CSMD1: variants seen among roughly 807,000 people sequenced by gnomAD.
CSMD1 encodes CUB and sushi domain-containing protein 1.
CSMD1 carries 213 observed loss-of-function variants against 417.5 expected under a neutral mutation model. The ratio of observed to expected loss-of-function variants is 0.51; its 90% CI spans 0.46 to 0.57. CSMD1 has a LOEUF of 0.57. Ranked by LOEUF, CSMD1 falls within the 20% of genes least tolerant of loss-of-function variation. CSMD1 has a pLI of 0.00. For synonymous variants in CSMD1, 2,862 were observed against 1,736.8 expected (o/e 1.65, Z -16.11); for missense variants, 6,923 against 4,529.7 (o/e 1.53, Z -15.17).
intron 3 of CSMD1, among the ~76,000 whole-genome samples, chr8:4,103,464 T>C (rs950376192): frequency 2.0e-5 from 3 of 150,716 alleles, no homozygotes; most frequent in African/African-American, 4.9e-5. Flanking sequence ...TCCACATGAT[T>C]ATTTTAAAAA....
At chr8:2,969,017 T>G (rs1056579262) in intron 57 of CSMD1, among the ~76,000 whole-genome samples, 1 of 152,110 alleles carries the variant, frequency 6.6e-6, no homozygotes, top group Non-Finnish European at 1.5e-5. Context: ...ATGACAAAAA[T>G]TGCTGTTAAA....
chr8:4,885,787 G>A (rs972975090), intron 1 of CSMD1, among the ~76,000 whole-genome samples: 3 of 151,756 alleles, frequency 2.0e-5, no homozygotes, highest in African/African-American at 2.4e-5. Flanking sequence ...CCTTTCATGT[G>A]CAAAGTTTTG....
intron 5 of CSMD1, among the ~76,000 whole-genome samples, chr8:3,820,691 T>G (rs1389081672): frequency 6.6e-6 from 1 of 152,174 alleles, no homozygotes; most frequent in Non-Finnish European, 1.5e-5. Flanking sequence ...TTCTCTTGCC[T>G]TAGCCTCCTG....
chr8:4,148,386 G>C (rs187786572), intron 3 of CSMD1, among the ~76,000 whole-genome samples: 10 of 147,848 alleles, frequency 6.8e-5, no homozygotes, highest in Admixed American at 2.0e-4. Context: ...GGGGAGGGCG[G>C]AGGAATAGCA....
intron 12 of CSMD1, among the ~76,000 whole-genome samples, chr8:3,456,555 G>C (rs548385913): frequency 2.6e-5 from 4 of 152,140 alleles, no homozygotes; most frequent in Admixed American, 6.5e-5. Flanking sequence ...TTTTCACTTA[G>C]CATCATTGCA....
chr8:4,429,482 T>A (rs113752701), intron 2 of CSMD1, among the ~76,000 whole-genome samples: 3 of 150,536 alleles, frequency 2.0e-5, no homozygotes, highest in Non-Finnish European at 4.4e-5. Flanking sequence ...CTCCTGTCAA[T>A]TGGGAAACAG....
intron 7 of CSMD1, among the ~76,000 whole-genome samples, chr8:3,635,816 G>C (rs866581011): frequency 8.2e-6 from 1 of 122,608 alleles, no homozygotes; most frequent in East Asian, 2.3e-4. Flanking sequence ...AAAAAAAAAA[G>C]AAAGAAAGAA....
chr8:3,745,669 G>A (rs180812700), intron 6 of CSMD1, among the ~76,000 whole-genome samples: 20 of 152,288 alleles, frequency 1.3e-4, no homozygotes, highest in Non-Finnish European at 2.2e-4. Context: ...ATGAATCCCC[G>A]GGGAAGTCAG....
At chr8:4,222,088 A>T (rs1801064796) in intron 3 of CSMD1, among the ~76,000 whole-genome samples, 1 of 130,902 alleles carries the variant, frequency 7.6e-6, no homozygotes, top group Admixed American at 7.6e-5. Context: ...CCATTAGTGG[A>T]AGAAAGATCA....
At chr8:4,475,093 T>G (rs1162024339) in intron 2 of CSMD1, among the ~76,000 whole-genome samples, 1 of 152,202 alleles carries the variant, frequency 6.6e-6, no homozygotes, top group Non-Finnish European at 1.5e-5. Flanking sequence ...TTTTTAAGCA[T>G]TTGAAAAATG....
chr8:3,839,442 ATAT>A (rs1339943129), intron 5 of CSMD1, among the ~76,000 whole-genome samples: 6 of 124,154 alleles, frequency 4.8e-5, no homozygotes, highest in Middle Eastern at 8.0e-3. Flanking sequence ...TTAATATTAT[ATAT>A]TATAATATAA....
rs543495306 is a variant in CSMD1 at position 4,885,784 on chromosome 8, T to C, written c.85+108548A>G. Among the ~76,000 whole-genome samples the C allele has an allele frequency of 2.0e-4, 31 of 152,110 alleles. 1 individual carries two copies. In the South Asian group the frequency reaches 5.6e-3, roughly 27 times the overall value. ...TCACTTTCCTGATGGTTTCCTTTCA[T>C]GTGCAAAGTTTTGAGTTCTGAGGAA... On this transcript the variant is annotated intron_variant, in intron 1 of 69. Coordinates refer to ENST00000635120, the MANE Select transcript of CSMD1 (RefSeq NM_033225.6).
rs549555733 is a variant in CSMD1, at chr8:3,213,002, G to C, written c.4867+1495C>G. ...CACCACCACGCCCAGCTAATTTTTT[G>C]TATTTTTAGTAGAAAGGGGGTTTCT... is the stretch of plus-strand genomic sequence containing the variant. On this transcript the variant is annotated intron_variant, in intron 30 of 69. Transcript: ENST00000635120. Among the ~76,000 whole-genome samples the C allele has an allele frequency of 9.1e-4, 138 of 151,732 alleles. 1 individual carries two copies. The highest frequency in any genetic ancestry group is 3.2e-3 in the African/African-American group (132 of 41,394).
intron 3 of CSMD1, among the ~76,000 whole-genome samples, chr8:4,166,700 T>G (rs991919846): frequency 1.2e-4 from 18 of 152,070 alleles, no homozygotes; most frequent in African/African-American, 4.3e-4. Context: ...GAAAATCAGC[T>G]CTAAAGAACA....
intron 30 of CSMD1, among the ~76,000 whole-genome samples, chr8:3,209,661 T>C (rs1408251381): frequency 6.6e-6 from 1 of 152,216 alleles, no homozygotes; most frequent in African/African-American, 2.4e-5. Flanking sequence ...ACTGTGCTAA[T>C]CTAAGAAACA....
intron 5 of CSMD1, among the ~76,000 whole-genome samples, chr8:3,953,913 T>C (rs1057421511): frequency 2.0e-5 from 3 of 152,302 alleles, no homozygotes; most frequent in South Asian, 2.1e-4. Flanking sequence ...TGGGCCACTG[T>C]CTGGAACGGC....
chr8:3,254,013 T>G (rs1454647814), intron 26 of CSMD1, among the ~76,000 whole-genome samples: 1 of 152,092 alleles, frequency 6.6e-6, no homozygotes, highest in Non-Finnish European at 1.5e-5. Flanking sequence ...TGGCTGGTAC[T>G]AGTTGTTCCT....
At chr8:3,224,639 C>T (rs149999604) in intron 27 of CSMD1, among the ~76,000 whole-genome samples, 2 of 152,110 alleles carry the variant, frequency 1.3e-5, no homozygotes, top group Non-Finnish European at 2.9e-5. Context: ...TTAGAAAGAA[C>T]CACTTTATAT....
chr8:3,934,197 A>C (rs1810334850), intron 5 of CSMD1, among the ~76,000 whole-genome samples: 1 of 152,224 alleles, frequency 6.6e-6, no homozygotes, highest in Non-Finnish European at 1.5e-5. Flanking sequence ...CCATGATCTT[A>C]ATTTCATTAC....
Sources: gnomAD v4.1 joint callset for allele counts (sites outside exome capture counted in the v4.1 genomes callset) on GRCh38, gnomAD v4.1.1 for gene constraint, MANE v1.5 for transcripts, NCBI Gene and HGNC (gene_info 2026-07-23, HGNC 2026-07-21) for gene names.